The following LRRC4C variants were observed in gnomAD, a reference collection of about 807,000 sequenced individuals.
LRRC4C encodes the protein leucine-rich repeat-containing protein 4C.
LRRC4C carries 5 observed loss-of-function variants against 33.6 expected under a neutral mutation model. That is an observed-to-expected ratio of 0.15 (90% CI 0.08 to 0.31). LRRC4C has a LOEUF of 0.31. Among genes scored for constraint, LRRC4C ranks in the 10% least tolerant of loss-of-function variants. LRRC4C has a pLI of 1.00. For synonymous variants in LRRC4C, 329 were observed against 302.0 expected, an observed-to-expected ratio of 1.09 and a Z score of -0.93; for missense variants, 560 against 796.7, an observed-to-expected ratio of 0.70 and a Z score of 3.58.
At chr11:41,114,995 G>A in intron 1 of LRRC4C, among the ~76,000 whole-genome samples, 1 of 151,986 alleles carries the variant, frequency 6.6e-6, no homozygotes, top group Non-Finnish European at 1.5e-5. Context: ...GATAAAACAG[G>A]ACTGGCCATT....
intron 2 of LRRC4C, among the ~76,000 whole-genome samples, chr11:40,878,484 C>T (rs1404991355): frequency 2.0e-5 from 3 of 152,158 alleles, no homozygotes; most frequent in African/African-American, 4.8e-5. Context: ...CAACCTAGAG[C>T]CCTCGCATGT....
chr11:40,352,363 A>G (rs1009402507), intron 3 of LRRC4C, among the ~76,000 whole-genome samples: 22 of 152,074 alleles, frequency 1.4e-4, no homozygotes, highest in Non-Finnish European at 3.1e-4. Flanking sequence ...ACAAACAAAC[A>G]AGCAAAGAGA....
At chr11:41,282,497 C>CAG in intron 1 of LRRC4C, among the ~76,000 whole-genome samples, 1 of 152,218 alleles carries the variant, frequency 6.6e-6, no homozygotes, top group Middle Eastern at 3.4e-3. Context: ...GGGAGAAGTC[C>CAG]CAGAATCTGG....
intron 6 of LRRC4C, among the ~76,000 whole-genome samples, chr11:40,135,878 C>T (rs1260141715): frequency 6.6e-6 from 1 of 152,154 alleles, no homozygotes; most frequent in African/African-American, 2.4e-5. Context: ...AATAAGAAAT[C>T]AGTGTGTACA....
chr11:40,870,195 T>A (rs1954565498), intron 2 of LRRC4C, among the ~76,000 whole-genome samples: 1 of 152,164 alleles, frequency 6.6e-6, no homozygotes, highest in Non-Finnish European at 1.5e-5. Flanking sequence ...TTATTAATAG[T>A]CTTTTTATCT....
intron 1 of LRRC4C, among the ~76,000 whole-genome samples, chr11:41,035,853 G>A (rs1388553090): frequency 2.6e-5 from 4 of 152,040 alleles, no homozygotes; most frequent in Non-Finnish European, 5.9e-5. Flanking sequence ...AGGTAAAATA[G>A]TGGTAACATT....
At chr11:41,000,056 A>G (rs1243363106) in intron 1 of LRRC4C, among the ~76,000 whole-genome samples, 5 of 152,102 alleles carry the variant, frequency 3.3e-5, no homozygotes, top group Non-Finnish European at 7.4e-5. Flanking sequence ...GTTGTAAAAA[A>G]CCTTGCATGC....
At chr11:40,409,027 T>C (rs1290215173) in intron 3 of LRRC4C, among the ~76,000 whole-genome samples, 2 of 151,902 alleles carry the variant, frequency 1.3e-5, no homozygotes, top group South Asian at 2.1e-4. Flanking sequence ...GCTACAGCAA[T>C]CGAAACAGCT....
intron 2 of LRRC4C, among the ~76,000 whole-genome samples, chr11:40,868,333 C>A (rs970098733): frequency 6.6e-6 from 1 of 152,118 alleles, no homozygotes; most frequent in Non-Finnish European, 1.5e-5. Context: ...TTTAATATTT[C>A]ACTATGACCA....
chr11:41,077,020 A>G (rs1473875478), intron 1 of LRRC4C, among the ~76,000 whole-genome samples: 3 of 152,108 alleles, frequency 2.0e-5, no homozygotes, highest in Non-Finnish European at 4.4e-5. Flanking sequence ...TTCCACAATA[A>G]TCTCCTTTGA....
intron 1 of LRRC4C, among the ~76,000 whole-genome samples, chr11:41,331,775 C>T (rs764022969): frequency 2.8e-4 from 43 of 152,038 alleles, no homozygotes; most frequent in Non-Finnish European, 5.3e-4. Flanking sequence ...AAATATTGGG[C>T]ACTGACAAAC....
At chr11:40,403,639 C>G (rs997135550) in intron 3 of LRRC4C, among the ~76,000 whole-genome samples, 1 of 152,060 alleles carries the variant, frequency 6.6e-6, no homozygotes, top group African/African-American at 2.4e-5. Flanking sequence ...TAGACTTTTG[C>G]TACTTCAATT....
intron 4 of LRRC4C, among the ~76,000 whole-genome samples, chr11:40,297,511 T>A (rs537375825): frequency 1.3e-5 from 2 of 152,172 alleles, no homozygotes; most frequent in Non-Finnish European, 2.9e-5. Context: ...CTAGATGATA[T>A]CCTAATAATC....
intron 1 of LRRC4C, among the ~76,000 whole-genome samples, chr11:41,424,724 A>G (rs1954980948): frequency 6.6e-6 from 1 of 152,122 alleles, no homozygotes; most frequent in African/African-American, 2.4e-5. Flanking sequence ...TAGTAATATA[A>G]TACGCATTTA....
chr11:40,622,956 T>A (rs1394591884), intron 3 of LRRC4C, among the ~76,000 whole-genome samples: 1 of 151,878 alleles, frequency 6.6e-6, no homozygotes, highest in African/African-American at 2.4e-5. Flanking sequence ...TATCTACACA[T>A]CCATGATTTA....
intron 1 of LRRC4C, among the ~76,000 whole-genome samples, chr11:41,438,038 C>CAAAT (rs569593314): frequency 0.16 from 10,551 of 65,536 alleles, 773 homozygotes; most frequent in African/African-American, 0.31. Context: ...AACTCCATCT[C>CAAAT]AAATAAATAA....
intron 6 of LRRC4C, among the ~76,000 whole-genome samples, chr11:40,116,853 A>G (rs72885372): frequency 0.029 from 4,359 of 152,328 alleles, 87 homozygotes; most frequent in Middle Eastern, 0.034. Flanking sequence ...TTCCCAGTGC[A>G]AAATAAAAAT....
chr11:41,048,950 G>T (rs1262795366), intron 1 of LRRC4C, among the ~76,000 whole-genome samples: 11 of 152,198 alleles, frequency 7.2e-5, no homozygotes, highest in African/African-American at 2.7e-4. Flanking sequence ...AGTGAATGAA[G>T]CATTGTATGC....
intron 2 of LRRC4C, among the ~76,000 whole-genome samples, chr11:40,817,796 C>G (rs1208468455): frequency 6.6e-6 from 1 of 152,120 alleles, no homozygotes; most frequent in East Asian, 1.9e-4. Context: ...TTTCTCACTG[C>G]CAGTGCCTTA....
Sources: allele counts gnomAD v4.1 joint callset (sites outside exome capture counted in the v4.1 genomes callset), GRCh38; gene constraint gnomAD v4.1.1; transcripts MANE v1.5; gene names NCBI Gene and HGNC (gene_info 2026-07-23, HGNC 2026-07-21).